Variants in CEP43 observed in about 807,000 individuals in gnomAD.
The protein encoded by CEP43 is centrosomal protein 43, also known as FGFR1 oncogene partner.
CEP43 carries 36 observed loss-of-function variants against 52.6 expected under a neutral mutation model. The ratio of observed to expected loss-of-function variants is 0.68; its 90% CI spans 0.52 to 0.90. The LOEUF (loss-of-function observed/expected upper bound fraction) is 0.90, where lower values mean the gene tolerates loss of function less well. Among genes scored for constraint, CEP43 ranks in the 40% least tolerant of loss-of-function variants. CEP43 has a pLI of 0.00. For synonymous variants in CEP43, 192 were observed against 172.4 expected (o/e 1.11, Z -0.89); for missense variants, 506 against 472.8 (o/e 1.07, Z -0.65).
At chr6:167,000,690 C>T (rs76101499) in intron 2 of CEP43, among the ~76,000 whole-genome samples, 2,341 of 152,278 alleles carry the variant, frequency 0.015, 50 homozygotes, top group African/African-American at 0.053. Flanking sequence ...AGTCTACTGT[C>T]CTCTCACTTC....
At chr6:167,009,691 T>A (rs945042861) in intron 5 of CEP43, among the ~76,000 whole-genome samples, 1 of 145,048 alleles carries the variant, frequency 6.9e-6, no homozygotes, top group African/African-American at 2.5e-5. Flanking sequence ...AAAAAGTTAG[T>A]TGGGTGCGGT....
In CEP43 at chr6:167,026,432, T is replaced by C. The variant is rs1184495141; in HGVS notation, c.920-115T>C. ...AGTTTATTTTTTCCTTAGTTTTAGG[T>C]TATTATGCTCCTGTCATAAAGAAGC... On this transcript the variant is annotated intron_variant, in intron 9 of 12. Transcript: ENST00000366847. 2.0e-5 allele frequency: 14 copies of C among 697,124 alleles called. No homozygotes were observed. In the Admixed American group the frequency reaches 3.2e-4, roughly 16 times the overall value. The allele number at this position is 697,124 out of a possible 1,614,324, so 43.2% of individuals were successfully genotyped here.
intron 10 of CEP43, among the ~76,000 whole-genome samples, chr6:167,032,023 A>T (rs1456227498): frequency 6.6e-6 from 1 of 151,970 alleles, no homozygotes; most frequent in African/African-American, 2.4e-5. Flanking sequence ...CTGAATCCTT[A>T]TGTTAACTCT....
intron 7 of CEP43, among the ~76,000 whole-genome samples, chr6:167,019,206 C>T (rs531417122): frequency 1.1e-4 from 16 of 152,236 alleles, no homozygotes; most frequent in African/African-American, 3.6e-4. Context: ...TGAGGTGAAG[C>T]GCTGTTGTGG....
chr6:167,040,523 A>C lies in CEP43; in HGVS notation c.*545A>C, dbSNP rs543534845. The C allele has an allele frequency of 8.9e-7, 1 of 1,119,398 alleles. No homozygotes were observed. The highest frequency in any genetic ancestry group is 1.1e-6 in the Non-Finnish European group (1 of 911,390). The allele number at this position is 1,119,398 out of a possible 1,614,324, so 69.3% of individuals were successfully genotyped here. A position where few individuals can be genotyped will look rare whatever the true frequency, so the allele number is the denominator to read the frequency against. Reference sequence around the variant, plus strand: ...TCAACTTTATTTTGTATTTCCTTCCATTTGGAAGGTTTGTTAGACCATTAA... The same window carrying C: ...TCAACTTTATTTTGTATTTCCTTCCCTTTGGAAGGTTTGTTAGACCATTAA... On this transcript the variant is annotated 3_prime_UTR_variant, in exon 13 of 13. Transcript: ENST00000366847.
intron 9 of CEP43, among the ~76,000 whole-genome samples, chr6:167,025,590 C>T (rs1780336357): frequency 6.6e-6 from 1 of 152,246 alleles, no homozygotes; most frequent in Admixed American, 6.5e-5. Context: ...TAAGAATTTG[C>T]AGTATGCGTT....
At chr6:167,012,592 C>A (rs1176329567) in intron 6 of CEP43, among the ~76,000 whole-genome samples, 6 of 152,054 alleles carry the variant, frequency 3.9e-5, no homozygotes, top group Non-Finnish European at 8.8e-5. Flanking sequence ...CTCTTTTTAG[C>A]AAATTATTAC....
chr6:167,017,100 A>G (rs1220122307), intron 7 of CEP43, among the ~76,000 whole-genome samples: 2 of 150,958 alleles, frequency 1.3e-5, no homozygotes, highest in African/African-American at 4.9e-5. Context: ...GGTTCACGGG[A>G]GGCTCCTGCC....
chr6:167,033,099 CTTTTTTTTTTTT>C lies in CEP43; in HGVS notation c.1028+475_1028+486del, dbSNP rs71032896. Among the ~76,000 whole-genome samples the C allele has an allele frequency of 2.9e-4, 20 of 68,354 alleles. No homozygotes were observed. In the South Asian group the frequency reaches 6.0e-3, roughly 20 times the overall value. 44.8% of individuals were successfully genotyped at this position (68,354 alleles called of 152,430 possible). On this transcript the variant is annotated intron_variant, in intron 11 of 12. Transcript: ENST00000366847. ...TCTGCCCTAATAAGATTGCCATTCT[CTTTTTTTTTTTT>C]TTTTTTTTTTTTTTTTTGAGACAGA...
intron 7 of CEP43, among the ~76,000 whole-genome samples, chr6:167,014,140 A>G (rs975929534): frequency 1.3e-5 from 2 of 152,200 alleles, no homozygotes; most frequent in Non-Finnish European, 2.9e-5. Flanking sequence ...TTTCTTTTGA[A>G]TGGATGATTA....
In CEP43 at chr6:167,040,163, C is replaced by T. The variant is rs755558195; in HGVS notation, c.*185C>T. On this transcript the variant is annotated 3_prime_UTR_variant, in exon 13 of 13. Coordinates refer to ENST00000366847, the MANE Select transcript of CEP43 (RefSeq NM_007045.4). Reference sequence around the variant, plus strand: ...TAAACAAAATACTTCCTATTTGAGCCCATGTGTGGAAGATTTAATATTCTT... The same window carrying T: ...TAAACAAAATACTTCCTATTTGAGCTCATGTGTGGAAGATTTAATATTCTT... The T allele has an allele frequency of 1.6e-5, 25 of 1,534,918 alleles. 1 individual carries two copies. The South Asian group carries it at 2.7e-4, about 17-fold the overall frequency.
chr6:167,034,461 C>T (rs999247948), intron 12 of CEP43, among the ~76,000 whole-genome samples: 7 of 152,218 alleles, frequency 4.6e-5, no homozygotes, highest in African/African-American at 1.7e-4. Context: ...GAGATCCAAA[C>T]TTTACCTTTT....
intron 10 of CEP43, among the ~76,000 whole-genome samples, chr6:167,027,247 C>T (rs1780375524): frequency 6.6e-6 from 1 of 152,270 alleles, no homozygotes; most frequent in Non-Finnish European, 1.5e-5. Flanking sequence ...GTAAGAGTGT[C>T]GATGTGAACA....
chr6:167,029,937 G>T (rs1405752687), intron 10 of CEP43, among the ~76,000 whole-genome samples: 1 of 152,220 alleles, frequency 6.6e-6, no homozygotes, highest in Non-Finnish European at 1.5e-5. Flanking sequence ...TCTTAAGCAT[G>T]GGGGAGATTA....
At chr6:167,020,387 T>C (rs570890469) in intron 7 of CEP43, among the ~76,000 whole-genome samples, 1 of 152,222 alleles carries the variant, frequency 6.6e-6, no homozygotes, top group Non-Finnish European at 1.5e-5. Flanking sequence ...TCATAAGACA[T>C]GCATAATGCA....
Position 167,051,731 on chromosome 6 carries a change from G to A in CEP43, c.*11753G>A, listed in dbSNP as rs1384188174. On this transcript the variant is annotated 3_prime_UTR_variant, in exon 13 of 13. Coordinates refer to ENST00000366847, the MANE Select transcript of CEP43 (RefSeq NM_007045.4). ...TTCCTTTTTATCTCTAGTATTTTTTGTCTGTTTGACTTAAAGTCTATTTTG... is the reference window on the plus strand; with the variant it reads ...TTCCTTTTTATCTCTAGTATTTTTTATCTGTTTGACTTAAAGTCTATTTTG... The A allele has an allele frequency of 1.3e-5, 2 of 151,916 alleles. No individual in the cohort carries two copies. The highest frequency in any genetic ancestry group is 2.9e-5 in the Non-Finnish European group (2 of 67,968). The allele number at this position is 151,916 out of a possible 1,614,324, so 9.4% of individuals were successfully genotyped here. A position where few individuals can be genotyped will look rare whatever the true frequency, so the allele number is the denominator to read the frequency against.
At chr6:167,036,530 T>A (rs16899812) in intron 12 of CEP43, 15,674 of 985,380 alleles carry the variant, frequency 0.016, 178 homozygotes, top group East Asian at 0.09. Context: ...TAAGTGTGCA[T>A]CCCAGGTTTC....
At chr6:167,006,916 T>C (rs1208001578) in intron 5 of CEP43, among the ~76,000 whole-genome samples, 1 of 152,336 alleles carries the variant, frequency 6.6e-6, no homozygotes, top group South Asian at 2.1e-4. Flanking sequence ...TGGAAAAACT[T>C]ACTTTCTTCT....
chr6:167,022,126 A>G (rs1442335610), intron 7 of CEP43, among the ~76,000 whole-genome samples: 3 of 152,190 alleles, frequency 2.0e-5, no homozygotes, highest in African/African-American at 7.2e-5. Context: ...ATTTAGGGAA[A>G]GAGGAAAGGA....
Sources: allele counts gnomAD v4.1 joint callset (sites outside exome capture counted in the v4.1 genomes callset), GRCh38; gene constraint gnomAD v4.1.1; transcripts MANE v1.5; gene names NCBI Gene and HGNC (gene_info 2026-07-23, HGNC 2026-07-21).